TRIM7: variants seen among roughly 807,000 people sequenced by gnomAD.
TRIM7 encodes the protein E3 ubiquitin-protein ligase TRIM7.
In TRIM7, 32 loss-of-function variants were observed where a neutral mutation model predicts 37.9. That is an observed-to-expected ratio of 0.84 (90% confidence interval 0.64 to 1.13). The LOEUF (loss-of-function observed/expected upper bound fraction) is 1.13, where lower values mean the gene tolerates loss of function less well. TRIM7 is among the 50% of genes most tolerant of loss of function. The pLI is 0.00. For missense variants in TRIM7, 732 were observed against 714.0 expected (o/e 1.03, Z -0.29); for synonymous variants, 351 against 321.3 (o/e 1.09, Z -0.99).
chr5:181,195,923 C>A (rs1767877835), intron 6 of TRIM7: 2 of 443,588 alleles, frequency 4.5e-6, no homozygotes, highest in Non-Finnish European at 7.9e-6. Context: ...CTGGTTTGAA[C>A]CCCAATTCAA....
rs113108089 is a variant in TRIM7, at chr5:181,204,565, G to A, written c.522+24C>T. ...AAGTCAGGGGGTCCCGGGGACCCAC[G>A]GGGTGGGTGGGGGCTGCGCTCACCT... is the stretch of plus-strand genomic sequence containing the variant. On this transcript the variant is annotated intron_variant, in intron 1 of 6. Transcript: ENST00000274773. 53 of 1,359,662 alleles carry A rather than the reference G, an allele frequency of 3.9e-5. No homozygotes were observed. The African/African-American group carries it at 5.8e-4, about 15-fold the overall frequency. 84.2% of individuals were successfully genotyped at this position (1,359,662 alleles called of 1,614,324 possible). A position where few individuals can be genotyped will look rare whatever the true frequency, so the allele number is the denominator to read the frequency against.
In TRIM7 at chr5:181,198,713, T is replaced by C; in HGVS notation, c.965A>G (p.Lys322Arg). The change falls in exon 5 of 7, where the codon AAA becomes AGA. Residue 322 changes from lysine (K) to arginine (R), a missense_variant. Coordinates refer to ENST00000274773, the MANE Select transcript of TRIM7 (RefSeq NM_203293.3). ...ACCTTTGAACTTCTTCAGCATCCCT[T>C]TTAAGACAAAGGTCTTGAGAGAAAC... ...WNVSLKTFVL[K>R]GMLKKFKEDL... 6.2e-7 allele frequency: 1 copy of C among 1,613,966 alleles called. No homozygotes were observed. Among genetic ancestry groups the C allele is most frequent in the Non-Finnish European group, 8.5e-7 (1 of 1,179,868 alleles).
chr5:181,195,325 CG>C lies in TRIM7; in HGVS notation c.1376del (p.Ser459CysfsTer88). ...ERSPLSCGHL[S>X]RVRVALDLEV... The stretch of plus-strand genomic sequence containing the variant: ...CCAGGTCCAGGGCCACCCGCACGCG[CG>C]ACAGGTGCCCGCAGCTGAGGGGCGA... On this transcript the variant is annotated frameshift_variant, in exon 7 of 7. Transcript: ENST00000274773. LOFTEE classifies it low-confidence loss of function (END_TRUNC). 1 of 1,592,464 alleles carries C rather than the reference CG, an allele frequency of 6.3e-7. No individual in the cohort carries two copies. The highest frequency in any genetic ancestry group is 8.5e-7 in the Non-Finnish European group (1 of 1,170,046).
At position 181,194,649 on chromosome 5, in the gene TRIM7, G is replaced by A. The variant is rs1756986922; in HGVS notation, c.*517C>T. ...AGTTCTGGCCCAGACTGTCCTCTGA[G>A]CTGGGAGCACAGGGCTCCTCCCTGA... is the stretch of plus-strand genomic sequence containing the variant. On this transcript the variant is annotated 3_prime_UTR_variant, in exon 7 of 7. Transcript: ENST00000274773. 1 of 152,946 alleles carries A rather than the reference G, an allele frequency of 6.5e-6. No homozygotes were observed. The highest frequency in any genetic ancestry group is 2.4e-5 in the African/African-American group (1 of 41,492). 9.5% of individuals were successfully genotyped at this position (152,946 alleles called of 1,614,324 possible). A position where few individuals can be genotyped will look rare whatever the true frequency, so the allele number is the denominator to read the frequency against.
At chr5:181,197,895 G>C in intron 6 of TRIM7, 1 of 501,114 alleles carries the variant, frequency 2.0e-6, no homozygotes. Context: ...TGGGGACCGG[G>C]TAGAGGCTCA....
chr5:181,199,030 G>C (rs79848802), intron 4 of TRIM7, 65 bp downstream of exon 4: 15 of 1,600,832 alleles, frequency 9.4e-6, no homozygotes, highest in Non-Finnish European at 1.3e-5. Context: ...AGGGAATAAA[G>C]ACAAGGCTCA....
chr5:181,195,871 C>G (rs1757087742), intron 6 of TRIM7, 194 bp from the exon 7 acceptor site: 1 of 559,380 alleles, frequency 1.8e-6, no homozygotes, highest in Non-Finnish European at 2.9e-6. Flanking sequence ...CCCGACCACT[C>G]AACAAGTACT....
intron 2 of TRIM7, chr5:181,202,544 C>T (rs1213346509): frequency 6.6e-6 from 1 of 150,684 alleles, no homozygotes; most frequent in Admixed American, 6.6e-5. Context: ...TAGAAAATGA[C>T]CGATGGTGAT....
intron 1 of TRIM7, 124 bp downstream of exon 1, chr5:181,204,465 A>C (rs1317053793): frequency 2.5e-6 from 3 of 1,181,172 alleles, no homozygotes; most frequent in Non-Finnish European, 2.2e-6. Context: ...GGAATGGAGA[A>C]AGAAGGGAGG....
At position 181,199,911 on chromosome 5, in the gene TRIM7, C is replaced by G; in HGVS notation, c.789G>C (p.Leu263=). The G allele has an allele frequency of 6.2e-7, 1 of 1,614,254 alleles. No homozygotes were observed. Among genetic ancestry groups the G allele is most frequent in the Non-Finnish European group, 8.5e-7 (1 of 1,180,054 alleles). ...LAQLGVEITQ[L]SKLSSQIQET... The stretch of plus-strand genomic sequence containing the variant: ...CCTGGATCTGGCTGCTGAGCTTGGA[C>G]AGCTGGGTGATCTCAACCCCGAGCT... Residue 263 remains leucine, a synonymous_variant, in exon 3 of 7, where the codon CTG becomes CTC. Transcript: ENST00000274773.
At chr5:181,202,425 C>T (rs1162259911) in intron 2 of TRIM7, 1 of 152,192 alleles carries the variant, frequency 6.6e-6, no homozygotes, top group Non-Finnish European at 1.5e-5. Flanking sequence ...GTGATCCGCC[C>T]ACCTCGACCT....
intron 6 of TRIM7, 33 bp from the exon 7 acceptor site, chr5:181,195,710 G>A (rs1197230019): frequency 2.0e-6 from 3 of 1,507,250 alleles, no homozygotes; most frequent in Non-Finnish European, 2.7e-6. Context: ...ATGTCCCCAC[G>A]CAGCCAGGCC....
chr5:181,196,052 A>T (rs1409414938), intron 6 of TRIM7: 1 of 208,676 alleles, frequency 4.8e-6, no homozygotes. Flanking sequence ...ACACTGAGGT[A>T]TTTATGGCAA....
At position 181,204,666 on chromosome 5, in the gene TRIM7, A is replaced by G. The variant is rs1757711482; in HGVS notation, c.445T>C (p.Cys149Arg). ...LYCQDDGRAI[C>R]VVCDRAREHR... is the part of the protein sequence containing the mutation. Reference sequence around the variant, plus strand: ...TCGCGGGCGCGGTCGCACACCACGCAGATGGCGCGTCCGTCGTCCTGGCAG... The same window carrying G: ...TCGCGGGCGCGGTCGCACACCACGCGGATGGCGCGTCCGTCGTCCTGGCAG... Residue 149 changes from cysteine to arginine, a missense_variant, in exon 1 of 7, where the codon TGC (cysteine) becomes CGC (arginine). Physicochemically the swap from Cys to Arg is radical, Grantham distance 180 (BLOSUM62 -3). Transcript: ENST00000274773. The G allele has an allele frequency of 5.9e-6, 9 of 1,515,002 alleles. No homozygotes were observed. The South Asian group carries it at 7.3e-5, about 12-fold the overall frequency. 93.8% of individuals were successfully genotyped at this position (1,515,002 alleles called of 1,614,324 possible). A position where few individuals can be genotyped will look rare whatever the true frequency, so the allele number is the denominator to read the frequency against.
intron 1 of TRIM7, chr5:181,204,056 AG>A: frequency 1.0e-6 from 1 of 1,000,102 alleles, no homozygotes; most frequent in Non-Finnish European, 1.2e-6. Flanking sequence ...TAGCAAAGAA[AG>A]GGCCCCCAGA....
Position 181,198,818 on chromosome 5 carries a change from G to C in TRIM7, c.873-13C>G. 6.3e-7 allele frequency: 1 copy of C among 1,598,158 alleles called. No homozygotes were observed. On this transcript the variant is annotated splice_polypyrimidine_tract_variant and intron_variant, in intron 4 of 6. Coordinates refer to ENST00000274773, the MANE Select transcript of TRIM7 (RefSeq NM_203293.3). ...CACATTGCTACACCTGCAGGACAAG[G>C]GCTCTGAGAAGGGCCTGTGTGCACC...
At chr5:181,198,546 G>T (rs548979476) in intron 5 of TRIM7, 144 bp downstream of exon 5, 1 of 689,322 alleles carries the variant, frequency 1.5e-6, no homozygotes. Context: ...TGCCACCACA[G>T]CCCCTACACC....
intron 1 of TRIM7, 177 bp downstream of exon 1, chr5:181,204,412 A>G (rs1454295503): frequency 3.4e-6 from 4 of 1,169,532 alleles, no homozygotes; most frequent in Admixed American, 4.2e-5. Flanking sequence ...GTTGGGGGTG[A>G]CAGAGAACCG....
rs768417440 is a variant in TRIM7, at chr5:181,204,672, C to A, written c.439G>T (p.Ala147Ser). ...GCGCGGTCGCACACCACGCAGATGG[C>A]GCGTCCGTCGTCCTGGCAGTAGAGC... Reference protein sequence around the residue: ...FKLYCQDDGRAICVVCDRARE... With the variant: ...FKLYCQDDGRSICVVCDRARE... Residue 147 changes from alanine to serine, a missense_variant, in exon 1 of 7, where the codon GCC (alanine) becomes TCC (serine). Physicochemically the swap from Ala to Ser is moderately conservative, Grantham distance 99. Coordinates refer to ENST00000274773, the MANE Select transcript of TRIM7 (RefSeq NM_203293.3). 1.3e-5 allele frequency: 20 copies of A among 1,511,106 alleles called. No individual in the cohort carries two copies. In the South Asian group the frequency reaches 2.0e-4, roughly 15 times the overall value. 93.6% of individuals were successfully genotyped at this position (1,511,106 alleles called of 1,614,324 possible). A position where few individuals can be genotyped will look rare whatever the true frequency, so the allele number is the denominator to read the frequency against.
Sources: allele counts gnomAD v4.1 joint callset, GRCh38; gene constraint gnomAD v4.1.1; transcripts MANE v1.5; gene names NCBI Gene and HGNC (gene_info 2026-07-23, HGNC 2026-07-21).